The following CDKN2B-AS1 variants were observed in gnomAD, a reference collection of about 807,000 sequenced individuals.
CDKN2B-AS1 encodes CDKN2B and CDKN2A antisense cis and trans regulatory RNA 1.
intron 4 of CDKN2B-AS1, among the ~76,000 whole-genome samples, chr9:22,056,936 T>A (rs1458440287): frequency 6.6e-6 from 1 of 152,172 alleles, no homozygotes; most frequent in Non-Finnish European, 1.5e-5. Flanking sequence ...GTCTTCCCCA[T>A]CTTAATTAAT....
At chr9:22,040,331 C>A (rs568466500) in intron 1 of CDKN2B-AS1, among the ~76,000 whole-genome samples, 31 of 152,106 alleles carry the variant, frequency 2.0e-4, no homozygotes, top group African/African-American at 7.5e-4. Context: ...AATTAAATGA[C>A]AAGTTCAAGG....
intron 4 of CDKN2B-AS1, among the ~76,000 whole-genome samples, chr9:22,089,890 C>A (rs974743776): frequency 6.6e-5 from 10 of 151,848 alleles, no homozygotes; most frequent in African/African-American, 2.2e-4. Context: ...GGTTTGTTAC[C>A]TATGTATACA....
intron 1 of CDKN2B-AS1, chr9:22,009,167 C>G (rs374702031): frequency 1.5e-6 from 1 of 670,072 alleles, no homozygotes; most frequent in Non-Finnish European, 2.6e-6. Flanking sequence ...TTTCCTGGCG[C>G]TCAAGAACCA....
At chr9:22,041,409 C>T (rs1004290936) in intron 1 of CDKN2B-AS1, among the ~76,000 whole-genome samples, 1 of 151,958 alleles carries the variant, frequency 6.6e-6, no homozygotes, top group African/African-American at 2.4e-5. Flanking sequence ...TCCAATCAAC[C>T]CTAGCTTATT....
chr9:22,091,131 T>G (rs559932391), intron 4 of CDKN2B-AS1, among the ~76,000 whole-genome samples: 43 of 152,258 alleles, frequency 2.8e-4, no homozygotes, highest in African/African-American at 1.0e-3. Context: ...AAGATCAGAT[T>G]GTTGTAGATA....
intron 1 of CDKN2B-AS1, chr9:22,030,731 A>AT (rs1284701013): frequency 6.6e-6 from 1 of 152,090 alleles, no homozygotes; most frequent in Non-Finnish European, 1.5e-5. Context: ...TAATAATACT[A>AT]TTTTTCTTAT....
At chr9:22,016,707 C>A (rs913183621) in intron 1 of CDKN2B-AS1, among the ~76,000 whole-genome samples, 1 of 152,148 alleles carries the variant, frequency 6.6e-6, no homozygotes, top group African/African-American at 2.4e-5. Context: ...AAAGGATTCC[C>A]TATTGAATAA....
intron 1 of CDKN2B-AS1, among the ~76,000 whole-genome samples, chr9:21,998,223 A>G (rs1266545246): frequency 1.3e-5 from 2 of 152,214 alleles, no homozygotes; most frequent in East Asian, 1.9e-4. Context: ...TCTTTCTAGC[A>G]TAACAATGGG....
chr9:22,020,007 A>G (rs1368251912), intron 1 of CDKN2B-AS1, among the ~76,000 whole-genome samples: 1 of 151,898 alleles, frequency 6.6e-6, no homozygotes, highest in South Asian at 2.1e-4. Flanking sequence ...ATTTTTCCTT[A>G]TTTTCTCCCT....
chr9:22,073,390 G>A (rs1824373135), intron 4 of CDKN2B-AS1, among the ~76,000 whole-genome samples: 1 of 152,066 alleles, frequency 6.6e-6, no homozygotes, highest in Non-Finnish European at 1.5e-5. Context: ...CATCTAGGCT[G>A]GGAAGTATGC....
intron 1 of CDKN2B-AS1, chr9:22,029,811 A>G (rs957678859): frequency 5.0e-5 from 13 of 258,032 alleles, no homozygotes; most frequent in South Asian, 1.4e-4. Flanking sequence ...GTATTGTAAT[A>G]TTAATATTAC....
At chr9:22,089,756 G>A (rs898678103) in intron 4 of CDKN2B-AS1, among the ~76,000 whole-genome samples, 60 of 151,860 alleles carry the variant, frequency 4.0e-4, no homozygotes, top group Admixed American at 1.8e-3. Flanking sequence ...CCTAGCAGAC[G>A]TCTTACTTTT....
At chr9:22,089,440 T>C (rs1172506661) in intron 4 of CDKN2B-AS1, among the ~76,000 whole-genome samples, 3 of 149,758 alleles carry the variant, frequency 2.0e-5, no homozygotes, top group Non-Finnish European at 3.0e-5. Flanking sequence ...CTTACTAAAC[T>C]TTTTTTTTTA....
chr9:22,028,549 C>G (rs1202467561), intron 1 of CDKN2B-AS1, among the ~76,000 whole-genome samples: 2 of 152,046 alleles, frequency 1.3e-5, no homozygotes, highest in African/African-American at 4.8e-5. Context: ...TGTTGACACC[C>G]TAGTCTCAAA....
intron 4 of CDKN2B-AS1, among the ~76,000 whole-genome samples, chr9:22,115,399 G>A (rs2131371670): frequency 6.6e-6 from 1 of 152,214 alleles, no homozygotes; most frequent in Admixed American, 6.5e-5. Context: ...TGCGATATAT[G>A]ATCACTCCAG....
At chr9:22,072,690 A>G (rs1824344655) in intron 4 of CDKN2B-AS1, among the ~76,000 whole-genome samples, 1 of 152,210 alleles carries the variant, frequency 6.6e-6, no homozygotes. Flanking sequence ...GACATATTAG[A>G]CTCCAAAGAA....
At chr9:22,045,068 G>GTGTGTGTA (rs1554669366) in intron 1 of CDKN2B-AS1, among the ~76,000 whole-genome samples, 2 of 151,212 alleles carry the variant, frequency 1.3e-5, no homozygotes, top group African/African-American at 2.4e-5. Flanking sequence ...GTGTGTGTGT[G>GTGTGTGTA]TGTATTTATT....
intron 4 of CDKN2B-AS1, chr9:22,118,531 A>G (rs907486199): frequency 6.6e-6 from 1 of 152,108 alleles, no homozygotes; most frequent in Non-Finnish European, 1.5e-5. Flanking sequence ...CTTTATGGAG[A>G]GAGAAGAACC....
Position 22,000,836 on chromosome 9 carries a change from C to T in CDKN2B-AS1, n.29+5675C>T, listed in dbSNP as rs1820887155. 6.6e-6 allele frequency among the ~76,000 whole-genome samples: 1 copy of T among 151,926 alleles called. No individual in the cohort carries two copies. The highest frequency in any genetic ancestry group is 2.1e-4 in the South Asian group (1 of 4,820). On this transcript the variant is annotated intron_variant and non_coding_transcript_variant, in intron 1 of 4. Transcript: ENST00000650946. This position sits in a 1 kb window ranked among gnomAD's most constrained non-coding sequence, Gnocchi z 4.1. The stretch of plus-strand genomic sequence containing the variant: ...TATTTATACTAAGAGAAGAGAGAAA[C>T]CCGAAGAACAATGGATTATCCTTAC...
Sources: allele counts gnomAD v4.1 joint callset (sites outside exome capture counted in the v4.1 genomes callset), GRCh38; gene constraint gnomAD v4.1.1; non-coding constraint Gnocchi (gnomAD v3.1); transcripts MANE v1.5; gene names NCBI Gene and HGNC (gene_info 2026-07-23, HGNC 2026-07-21).